The following NDUFA5 variants were observed in gnomAD, a reference collection of about 807,000 sequenced individuals.
NDUFA5 encodes NADH:ubiquinone oxidoreductase subunit A5.
Under a neutral mutation model 19.8 loss-of-function variants are expected in NDUFA5, and 11 were observed. The ratio of observed to expected loss-of-function variants is 0.56; its 90% confidence interval spans 0.35 to 0.92. The LOEUF (loss-of-function observed/expected upper bound fraction) is 0.92. Among genes scored for constraint, NDUFA5 ranks in the 40% least tolerant of loss-of-function variants. NDUFA5 has a pLI of 0.01. For synonymous variants in NDUFA5, 47 were observed against 46.8 expected (o/e 1.00, Z -0.01); for missense variants, 109 against 134.2 (o/e 0.81, Z 0.93).
the NDUFA5 span, among the ~76,000 whole-genome samples, chr7:123,569,403 A>C: frequency 6.6e-6 from 1 of 151,902 alleles, no homozygotes; most frequent in African/African-American, 2.4e-5. Context: ...GCTAGGGCCC[A>C]AAAAAAAGGC....
In NDUFA5 at chr7:123,538,172, G is replaced by C. The variant is rs1411699683; in HGVS notation, c.*3947C>G. The C allele has an allele frequency of 6.6e-6, 1 of 152,068 alleles. No homozygotes were observed. Among genetic ancestry groups the C allele is most frequent in the Admixed American group, 6.6e-5 (1 of 15,264 alleles). The allele number at this position is 152,068 out of a possible 1,614,324, so 9.4% of individuals were successfully genotyped here. On this transcript the variant is annotated 3_prime_UTR_variant, in exon 5 of 5. Transcript: ENST00000355749. ...CACTATGGTCATGGAAATATATGTT[G>C]ATGGTGCCACACTCAGCCTGGATTC...
chr7:123,571,957 A>G, the NDUFA5 span, among the ~76,000 whole-genome samples: 1 of 151,522 alleles, frequency 6.6e-6, no homozygotes, highest in African/African-American at 2.4e-5. Flanking sequence ...GTTTTTATAG[A>G]GATGGAGGTC....
intron 3 of NDUFA5, among the ~76,000 whole-genome samples, chr7:123,549,901 G>A (rs1023106752): frequency 2.6e-5 from 4 of 152,104 alleles, no homozygotes; most frequent in Non-Finnish European, 5.9e-5. Flanking sequence ...TATGTGACTA[G>A]GATCACTTAT....
At chr7:123,572,066 G>A in the NDUFA5 span, among the ~76,000 whole-genome samples, 1 of 151,202 alleles carries the variant, frequency 6.6e-6, no homozygotes, top group Non-Finnish European at 1.5e-5. Context: ...GGGTTTACAG[G>A]TGTGAGCCAG....
the NDUFA5 span, among the ~76,000 whole-genome samples, chr7:123,592,813 C>G: frequency 6.6e-6 from 1 of 151,610 alleles, no homozygotes; most frequent in South Asian, 2.1e-4. Context: ...GAATTCAAGT[C>G]CTGGATATCC....
In NDUFA5 at chr7:123,545,626, T is replaced by C. The variant is rs1232207517; in HGVS notation, c.234A>G (p.Glu78=). 1.2e-6 allele frequency: 2 copies of C among 1,611,370 alleles called. No individual in the cohort carries two copies. The highest frequency in any genetic ancestry group is 1.7e-6 in the Non-Finnish European group (2 of 1,178,766). The change falls in exon 4 of 5, where the codon GAA becomes GAG. Residue 78 remains glutamate, a synonymous_variant. Transcript: ENST00000355749. ...LEDQLQGGQL[E]EVILQAEHEL... Reference sequence around the variant, plus strand: ...TTTTCTTTACCTGAAGAATCACCTCTTCTAATTGACCGCCTTGAAGTTGGT... The same window carrying C: ...TTTTCTTTACCTGAAGAATCACCTCCTCTAATTGACCGCCTTGAAGTTGGT...
the NDUFA5 span, among the ~76,000 whole-genome samples, chr7:123,585,689 T>C: frequency 6.6e-6 from 1 of 151,586 alleles, no homozygotes. Flanking sequence ...CAAACTCTCT[T>C]AGCAAACTTT....
the NDUFA5 span, among the ~76,000 whole-genome samples, chr7:123,581,068 C>T: frequency 6.6e-6 from 1 of 151,892 alleles, no homozygotes; most frequent in Non-Finnish European, 1.5e-5. Context: ...GAACTGTCTT[C>T]CACTTAAAAA....
chr7:123,544,297 G>A (rs942225988), intron 4 of NDUFA5, among the ~76,000 whole-genome samples: 1 of 151,942 alleles, frequency 6.6e-6, no homozygotes, highest in African/African-American at 2.4e-5. Context: ...TCAGGAGTTC[G>A]AGACCAGCCT....
the NDUFA5 span, among the ~76,000 whole-genome samples, chr7:123,601,246 G>C: frequency 6.6e-6 from 1 of 151,946 alleles, no homozygotes; most frequent in South Asian, 2.1e-4. Context: ...CAATTTTTTT[G>C]CTTGTTTTAT....
chr7:123,561,331 G>A (rs1048865655), upstream of NDUFA5, among the ~76,000 whole-genome samples: 2 of 152,178 alleles, frequency 1.3e-5, no homozygotes, highest in South Asian at 4.1e-4. Flanking sequence ...AATATTCACA[G>A]TATCTTCACC....
chr7:123,590,505 T>C, the NDUFA5 span, among the ~76,000 whole-genome samples: 2 of 152,172 alleles, frequency 1.3e-5, no homozygotes, highest in African/African-American at 4.8e-5. Context: ...TTGTAGGGTG[T>C]AAGGAAGGGG....
chr7:123,552,455 G>A (rs1303939034), intron 2 of NDUFA5, among the ~76,000 whole-genome samples: 1 of 151,846 alleles, frequency 6.6e-6, no homozygotes, highest in African/African-American at 2.4e-5. Context: ...ATGGACACAG[G>A]GAGGGGAACA....
At chr7:123,557,482 A>C (rs375448632) in intron 1 of NDUFA5, 34 bp from the exon 2 acceptor site, 11 of 1,613,116 alleles carry the variant, frequency 6.8e-6, no homozygotes, top group Non-Finnish European at 9.3e-6. Context: ...CATGCTGTTT[A>C]CTACGGTTTC....
At position 123,540,716 on chromosome 7, in the gene NDUFA5, C is replaced by G. The variant is rs747445262; in HGVS notation, c.*1403G>C. The G allele has an allele frequency of 1.3e-5, 2 of 151,994 alleles. No homozygotes were observed. Among genetic ancestry groups the G allele is most frequent in the Non-Finnish European group, 2.9e-5 (2 of 68,024 alleles). The allele number at this position is 151,994 out of a possible 1,614,324, so 9.4% of individuals were successfully genotyped here. A position where few individuals can be genotyped will look rare whatever the true frequency, so the allele number is the denominator to read the frequency against. ...ATGAGAAACCCTGGGCTTCTAACTC[C>G]CCCTCTAACACTTCCCCACCAGAAG... On this transcript the variant is annotated 3_prime_UTR_variant, in exon 5 of 5. Transcript: ENST00000355749.
the NDUFA5 span, among the ~76,000 whole-genome samples, chr7:123,581,093 G>A: frequency 2.0e-5 from 3 of 151,896 alleles, no homozygotes; most frequent in Admixed American, 6.6e-5. Flanking sequence ...TTGTATTTAC[G>A]GATAATTCAG....
the NDUFA5 span, among the ~76,000 whole-genome samples, chr7:123,590,170 TG>T: frequency 1.3e-5 from 2 of 152,298 alleles, no homozygotes; most frequent in African/African-American, 4.8e-5. Context: ...TGGGGTTGTT[TG>T]TTTTTTTTCC....
the NDUFA5 span, among the ~76,000 whole-genome samples, chr7:123,565,591 G>A: frequency 6.6e-6 from 1 of 152,138 alleles, no homozygotes; most frequent in Non-Finnish European, 1.5e-5. Flanking sequence ...CTCAAAATGT[G>A]ACCTTCAGGC....
upstream of NDUFA5, among the ~76,000 whole-genome samples, chr7:123,559,527 G>T (rs1052513658): frequency 2.6e-5 from 4 of 152,098 alleles, no homozygotes; most frequent in Non-Finnish European, 4.4e-5. Context: ...GCCAGGTGTG[G>T]ACTCTGATTC....
Sources: allele counts gnomAD v4.1 joint callset (sites outside exome capture counted in the v4.1 genomes callset), GRCh38; gene constraint gnomAD v4.1.1; transcripts MANE v1.5; gene names NCBI Gene and HGNC (gene_info 2026-07-23, HGNC 2026-07-21).